SLC9A3: variants seen among roughly 807,000 people sequenced by gnomAD.
The protein encoded by SLC9A3 is sodium/hydrogen exchanger 3.
In SLC9A3, 37 loss-of-function variants were observed where a neutral mutation model predicts 86.8. The observed-to-expected ratio is 0.43, with a 90% confidence interval of 0.33 to 0.56. The LOEUF (loss-of-function observed/expected upper bound fraction) is 0.56, where lower values mean the gene tolerates loss of function less well. Ranked by LOEUF, SLC9A3 falls within the 20% of genes least tolerant of loss-of-function variation. The pLI is 0.06. For synonymous variants in SLC9A3, 581 were observed against 528.3 expected (o/e 1.10, Z -1.37); for missense variants, 1,011 against 1,171.9 (o/e 0.86, Z 2.00).
At chr5:511,479 C>CTT (rs1431770592) in intron 1 of SLC9A3, among the ~76,000 whole-genome samples, 1 of 152,212 alleles carries the variant, frequency 6.6e-6, no homozygotes. Context: ...GAGAAATGAG[C>CTT]CAAACATCTG....
intron 1 of SLC9A3, among the ~76,000 whole-genome samples, chr5:513,689 C>A (rs972366658): frequency 2.6e-5 from 4 of 152,210 alleles, no homozygotes; most frequent in Non-Finnish European, 1.5e-5. Context: ...TCCTCAGGGG[C>A]CCAGGGACAG....
chr5:519,998 G>A (rs1282055946), intron 1 of SLC9A3, among the ~76,000 whole-genome samples: 1 of 152,166 alleles, frequency 6.6e-6, no homozygotes, highest in Non-Finnish European at 1.5e-5. Flanking sequence ...GGCGGCCTGG[G>A]CCTCCGCCAT....
chr5:514,541 G>T (rs1275255135), intron 1 of SLC9A3, among the ~76,000 whole-genome samples: 1 of 152,242 alleles, frequency 6.6e-6, no homozygotes, highest in Admixed American at 6.5e-5. Context: ...CCCACATCCA[G>T]TAGGTGGGGA....
chr5:524,228 G>T lies in SLC9A3; in HGVS notation c.95C>A (p.Pro32His), dbSNP rs1425412486. Residue 32 changes from proline (P) to histidine (H), a missense_variant, in exon 1 of 17, where the codon CCC becomes CAC. By Grantham distance (77) the Pro-to-His change is moderately conservative. This residue lies in a region of SLC9A3 where 565 missense variants were observed against 790.0 expected (regional missense o/e 0.72). Coordinates refer to ENST00000264938, the MANE Select transcript of SLC9A3 (RefSeq NM_004174.4). ...CCCGCTCTCGCCGTGCGCGCCGCCG[G>T]GCTCCACCTCGACGCCCCCGGCCCG... Reference protein sequence around the residue: ...LARAGGVEVEPGGAHGESGGF... With the variant: ...LARAGGVEVEHGGAHGESGGF... 2 of 1,503,794 alleles carry T rather than the reference G, an allele frequency of 1.3e-6. No individual in the cohort carries two copies. The highest frequency in any genetic ancestry group is 1.4e-5 in the African/African-American group (1 of 69,302). 93.2% of individuals were successfully genotyped at this position (1,503,794 alleles called of 1,614,324 possible). A position where few individuals can be genotyped will look rare whatever the true frequency, so the allele number is the denominator to read the frequency against.
chr5:522,475 C>T (rs1247375524), intron 1 of SLC9A3, among the ~76,000 whole-genome samples: 1 of 152,164 alleles, frequency 6.6e-6, no homozygotes, highest in Non-Finnish European at 1.5e-5. Context: ...ATTAGATATT[C>T]ACGGCCGGGC....
chr5:511,634 T>C (rs112620559), intron 1 of SLC9A3, among the ~76,000 whole-genome samples: 2,138 of 152,338 alleles, frequency 0.014, 60 homozygotes, highest in African/African-American at 0.047. Flanking sequence ...AGGACACGGA[T>C]AGCACCGAAG....
At chr5:507,163 C>CTGCCTTTTTTTTTTTTTTTT (rs1553999262) in intron 1 of SLC9A3, among the ~76,000 whole-genome samples, 1 of 34,754 alleles carries the variant, frequency 2.9e-5, no homozygotes, top group Non-Finnish European at 5.6e-5. Flanking sequence ...CCGGCTGCTG[C>CTGCCTTTTTTTTTTTTTTTT]TTCTTTTTTT....
In SLC9A3 at chr5:479,462, C is replaced by T. The variant is rs545090533; in HGVS notation, c.1647+374G>A. 2.9e-5 allele frequency: 7 copies of T among 239,642 alleles called. No individual in the cohort carries two copies. The East Asian group carries it at 3.9e-4, about 13-fold the overall frequency. The allele number at this position is 239,642 out of a possible 1,614,324, so 14.8% of individuals were successfully genotyped here. ...CCCTGCTGCTGCCCCTCTGCCTGTG[C>T]GTGTGCACCTGTGGGCACCTGCGTG... On this transcript the variant is annotated intron_variant, in intron 10 of 16. Transcript: ENST00000264938.
At chr5:511,263 C>T (rs974517546) in intron 1 of SLC9A3, among the ~76,000 whole-genome samples, 1 of 152,200 alleles carries the variant, frequency 6.6e-6, no homozygotes, top group Non-Finnish European at 1.5e-5. Context: ...AGAAAAGCTA[C>T]ATAACCTTGG....
chr5:520,730 C>T (rs1733860897), intron 1 of SLC9A3, among the ~76,000 whole-genome samples: 1 of 152,044 alleles, frequency 6.6e-6, no homozygotes, highest in African/African-American at 2.4e-5. Context: ...CCTCCTCTGG[C>T]TTCTGACACC....
In SLC9A3 at chr5:475,552, C is replaced by G. The variant is rs775879505; in HGVS notation, c.2251+9G>C. 10 of 1,514,962 alleles carry G rather than the reference C, an allele frequency of 6.6e-6. No individual in the cohort carries two copies. The highest frequency in any genetic ancestry group is 7.2e-6 in the Non-Finnish European group (8 of 1,113,988). 93.8% of individuals were successfully genotyped at this position (1,514,962 alleles called of 1,614,324 possible). A position where few individuals can be genotyped will look rare whatever the true frequency, so the allele number is the denominator to read the frequency against. The stretch of plus-strand genomic sequence containing the variant: ...TCCCTTAGCCACGACGCCTGTGCCC[C>G]GTCCCCACCTGCAGGGGAGTCGGAC... On this transcript the variant is annotated intron_variant, in intron 15 of 16. Coordinates refer to ENST00000264938, the MANE Select transcript of SLC9A3 (RefSeq NM_004174.4).
intron 1 of SLC9A3, among the ~76,000 whole-genome samples, chr5:518,691 C>T (rs1353263670): frequency 6.6e-6 from 1 of 152,196 alleles, no homozygotes; most frequent in Non-Finnish European, 1.5e-5. Flanking sequence ...GGTGGCCACG[C>T]TGGGAGAGCT....
intron 4 of SLC9A3, 137 bp downstream of exon 4, chr5:485,016 G>T: frequency 5.6e-6 from 4 of 713,236 alleles, no homozygotes; most frequent in Non-Finnish European, 1.0e-5. Context: ...TCTGGACGGG[G>T]ACGTGACGTG....
chr5:473,733 G>C (rs1157429961), intron 16 of SLC9A3, among the ~76,000 whole-genome samples: 1 of 152,200 alleles, frequency 6.6e-6, no homozygotes, highest in Non-Finnish European at 1.5e-5. Context: ...GGCGTCCCCC[G>C]GGTGCCTCCC....
chr5:490,476 G>A lies in SLC9A3; in HGVS notation c.514+1293C>T, dbSNP rs549740660. On this transcript the variant is annotated intron_variant, in intron 2 of 16. Transcript: ENST00000264938. ...ATTCTGCTTCGTGCAAGGGAAATCC[G>A]GCAGTGTCTCTGGCCAATGCTAGGC... 5.9e-5 allele frequency among the ~76,000 whole-genome samples: 9 copies of A among 152,312 alleles called. No individual in the cohort carries two copies. The South Asian group carries it at 8.3e-4, about 14-fold the overall frequency.
chr5:514,977 T>A (rs1733680633), intron 1 of SLC9A3, among the ~76,000 whole-genome samples: 1 of 151,764 alleles, frequency 6.6e-6, no homozygotes, highest in Admixed American at 6.6e-5. Flanking sequence ...AGATAGGGGG[T>A]CCCGGCTGGG....
chr5:489,474 C>G (rs61590346), intron 2 of SLC9A3, among the ~76,000 whole-genome samples: 1 of 152,066 alleles, frequency 6.6e-6, no homozygotes, highest in African/African-American at 2.4e-5. Flanking sequence ...AGAGAGCAGC[C>G]TGGCCAGGGG....
intron 1 of SLC9A3, among the ~76,000 whole-genome samples, chr5:521,721 T>C (rs1733889106): frequency 6.6e-6 from 1 of 152,188 alleles, no homozygotes; most frequent in Non-Finnish European, 1.5e-5. Flanking sequence ...GTTCCCGCTG[T>C]GGTGCAGGCT....
intron 15 of SLC9A3, 117 bp downstream of exon 15, chr5:475,444 C>G (rs189882148): frequency 4.4e-6 from 3 of 680,524 alleles, no homozygotes; most frequent in Non-Finnish European, 7.7e-6. Context: ...CCCTTGAGAA[C>G]CCACAGGAGA....
Sources: gnomAD v4.1 joint callset for allele counts (sites outside exome capture counted in the v4.1 genomes callset) on GRCh38, gnomAD v4.1.1 for gene constraint, gnomAD v4.1.1 regional missense constraint, MANE v1.5 for transcripts, NCBI Gene and HGNC (gene_info 2026-07-23, HGNC 2026-07-21) for gene names.